The following MPO variants were observed in gnomAD, a reference collection of about 807,000 sequenced individuals.
The protein encoded by MPO is myeloperoxidase.
Under a neutral mutation model 69.4 loss-of-function variants are expected in MPO, and 57 were observed. That is an observed-to-expected ratio of 0.82 (90% CI 0.66 to 1.02). The LOEUF (loss-of-function observed/expected upper bound fraction) is 1.02. Ranked by LOEUF, MPO falls within the 50% of genes least tolerant of loss-of-function variation. The pLI, the probability that MPO is intolerant of heterozygous loss-of-function variation, is 0.00. For missense variants in MPO, 971 were observed against 1,014.1 expected, an observed-to-expected ratio of 0.96 and a Z score of 0.58; for synonymous variants, 426 against 417.1, an observed-to-expected ratio of 1.02 and a Z score of -0.26.
At chr17:58,271,137 A>C (rs1382960447) in intron 11 of MPO, among the ~76,000 whole-genome samples, 1 of 152,120 alleles carries the variant, frequency 6.6e-6, no homozygotes, top group East Asian at 1.9e-4. Context: ...CCGGGCCCAC[A>C]CACACTCCTG....
Position 58,280,463 on chromosome 17 carries a change from C to A in MPO, c.155-4G>T, listed in dbSNP as rs373287039. On this transcript the variant is annotated splice_region_variant and splice_polypyrimidine_tract_variant and intron_variant, in intron 1 of 11. Transcript: ENST00000225275. ...GTGTCCACCTCCCCCAGGACAGCTG[C>A]CCAGAGCAGGGATCACAAAGTCAGG... is the stretch of plus-strand genomic sequence containing the variant. 17 of 1,613,858 alleles carry A rather than the reference C, an allele frequency of 1.1e-5. No homozygotes were observed. The African/African-American group carries it at 1.6e-4, about 15-fold the overall frequency.
Position 58,275,625 on chromosome 17 carries a change from TG to T in MPO, c.1281del (p.Thr428GlnfsTer6), listed in dbSNP as rs762933005. 4.0e-5 allele frequency: 64 copies of T among 1,614,022 alleles called. No homozygotes were observed. Among genetic ancestry groups the T allele is most frequent in the Non-Finnish European group, 5.3e-5 (63 of 1,180,028 alleles). ...CTAGGGTTCAGGCTCTTGAGCTCTG[TG>T]GCCAGCCGGTTGTGCTCCCGAAGTA... ...TLLLREHNRL[A>X]TELKSLNPRW... On this transcript the variant is annotated frameshift_variant, in exon 8 of 12. Coordinates refer to ENST00000225275, the MANE Select transcript of MPO (RefSeq NM_000250.2). LOFTEE classifies it high-confidence loss of function. This position sits in a 1 kb window ranked among gnomAD's most constrained non-coding sequence, Gnocchi z 4.1.
chr17:58,279,625 A>G lies in MPO; in HGVS notation c.446T>C (p.Leu149Pro). The G allele has an allele frequency of 6.2e-7, 1 of 1,614,092 alleles. No homozygotes were observed. Reference protein sequence around the residue: ...NVTDVLTPAQLNVLSKSSGCA... With the variant: ...NVTDVLTPAQPNVLSKSSGCA... Reference sequence around the variant, plus strand: ...GCCGCTTGACTTGGACAACACATTCAGCTGGGCGGGCGTCAGCACATCTGC... The same window carrying G: ...GCCGCTTGACTTGGACAACACATTCGGCTGGGCGGGCGTCAGCACATCTGC... The change falls in exon 4 of 12, where the codon CTG becomes CCG. Residue 149 changes from leucine to proline, a missense_variant. Physicochemically the swap from Leu to Pro is moderately conservative, Grantham distance 98. Transcript: ENST00000225275.
chr17:58,280,695 C>A lies in MPO; in HGVS notation c.64G>T (p.Gly22Cys), dbSNP rs2143984169. Residue 22 changes from glycine to cysteine, a missense_variant, in exon 1 of 12, where the codon GGT (glycine) becomes TGT (cysteine). Gly to Cys is a radical substitution (Grantham distance 159). Transcript: ENST00000225275. Reference protein sequence around the residue: ...MVDLGPCWAGGLTAEMKLLLA... With the variant: ...MVDLGPCWAGCLTAEMKLLLA... ...AGCAGCTTCATCTCTGCAGTGAGAC[C>A]CCCAGCCCAGCAAGGTCCTAAGTCC... The A allele has an allele frequency of 6.2e-7, 1 of 1,614,206 alleles. No homozygotes were observed. Among genetic ancestry groups the A allele is most frequent in the African/African-American group, 1.3e-5 (1 of 75,056 alleles).
Position 58,275,785 on chromosome 17 carries a change from A to C in MPO, c.1205-83T>G, listed in dbSNP as rs1970429206. ...TCCACTGAAACCCCCTCCCCAGCCA[A>C]GGCCTGAAATGCCTCCTACTCACCC... On this transcript the variant is annotated intron_variant, in intron 7 of 11. Transcript: ENST00000225275. This position sits in a 1 kb window ranked among gnomAD's most constrained non-coding sequence, Gnocchi z 4.1. 1 of 1,545,866 alleles carries C rather than the reference A, an allele frequency of 6.5e-7. No individual in the cohort carries two copies. Among genetic ancestry groups the C allele is most frequent in the East Asian group, 2.3e-5 (1 of 42,624 alleles).
At chr17:58,276,855 T>C (rs1567828535) in intron 7 of MPO, among the ~76,000 whole-genome samples, 1 of 152,134 alleles carries the variant, frequency 6.6e-6, no homozygotes, top group Admixed American at 6.5e-5. Context: ...ACACCTGTAA[T>C]CCCAGCACTT....
rs906727603 is a variant in MPO at position 58,279,977 on chromosome 17, T to C, written c.286A>G (p.Met96Val). The C allele has an allele frequency of 1.2e-6, 2 of 1,613,292 alleles. No homozygotes were observed. Among genetic ancestry groups the C allele is most frequent in the Admixed American group, 1.7e-5 (1 of 59,990 alleles). ...QRLRSGSASP[M>V]ELLSYFKQPV... is the part of the protein sequence containing the mutation. ...TGCTTGAAGTAGGATAGGAGTTCCA[T>C]GGGGCTGGCTGAGCCGCTGCGAAGC... The change falls in exon 3 of 12, where the codon ATG becomes GTG. Residue 96 changes from methionine to valine, a missense_variant. Met to Val is a conservative substitution (Grantham distance 21, BLOSUM62 1). Transcript: ENST00000225275.
At chr17:58,279,264 C>T (rs1598042892) in intron 5 of MPO, 33 bp downstream of exon 5, 2 of 1,563,846 alleles carry the variant, frequency 1.3e-6, no homozygotes, top group African/African-American at 1.4e-5. Context: ...ACCGCGTGGC[C>T]GGGCCTCGCC....
intron 6 of MPO, among the ~76,000 whole-genome samples, chr17:58,278,616 T>A (rs955634644): frequency 6.6e-6 from 1 of 151,588 alleles, no homozygotes; most frequent in Non-Finnish European, 1.5e-5. Flanking sequence ...GTGATGGGGG[T>A]TGGGGCTGCC....
chr17:58,277,180 C>T (rs1970448690), intron 7 of MPO, among the ~76,000 whole-genome samples: 1 of 151,584 alleles, frequency 6.6e-6, no homozygotes, highest in African/African-American at 2.4e-5. Flanking sequence ...TCCAAAACTG[C>T]CAATTGTTTA....
intron 10 of MPO, 44 bp downstream of exon 10, chr17:58,272,704 C>CTCAGGGGAGGTGAGCA (rs1297971153): frequency 6.9e-6 from 11 of 1,602,234 alleles, no homozygotes; most frequent in Non-Finnish European, 9.4e-6. Context: ...TAGGAGGCAG[C>CTCAGGGGAGGTGAGCA]TCAGGGGAGG....
intron 11 of MPO, among the ~76,000 whole-genome samples, chr17:58,271,421 A>G (rs1970362952): frequency 6.6e-6 from 1 of 152,128 alleles, no homozygotes; most frequent in African/African-American, 2.4e-5. Context: ...TAAGGGTGGC[A>G]CTTTTCTATC....
intron 7 of MPO, among the ~76,000 whole-genome samples, chr17:58,277,426 A>G (rs1970452495): frequency 1.3e-5 from 2 of 152,268 alleles, no homozygotes; most frequent in South Asian, 4.1e-4. Flanking sequence ...AGCCACATGC[A>G]GCTAGTGGCT....
intron 9 of MPO, 134 bp downstream of exon 9, chr17:58,273,280 G>T: frequency 7.1e-7 from 1 of 1,399,632 alleles, no homozygotes; most frequent in Non-Finnish European, 1.0e-6. Flanking sequence ...AGGAACTGAG[G>T]CTAGAGAGTC....
Position 58,270,766 on chromosome 17 carries a change from T to C in MPO, c.2128A>G (p.Thr710Ala), listed in dbSNP as rs778995484. Reference protein sequence around the residue: ...PRIICDNTGITTVSKNNIFMS... With the variant: ...PRIICDNTGIATVSKNNIFMS... ...AAGATGTTGTTCTTAGACACGGTGG[T>C]GATGCCTGTGTTGTCGCAGATGATC... The change falls in exon 12 of 12, where the codon ACC becomes GCC. Residue 710 changes from threonine to alanine, a missense_variant. Thr to Ala is a moderately conservative substitution (Grantham distance 58). Coordinates refer to ENST00000225275, the MANE Select transcript of MPO (RefSeq NM_000250.2). The surrounding 1 kb of genome is among the most constrained non-coding windows in gnomAD (Gnocchi z 4.1). 1.2e-5 allele frequency: 20 copies of C among 1,614,052 alleles called. No individual in the cohort carries two copies. The Admixed American group carries it at 3.3e-4, about 27-fold the overall frequency.
At position 58,270,745 on chromosome 17, in the gene MPO, T is replaced by C. The variant is rs2759; in HGVS notation, c.2149A>G (p.Ile717Val). ...TGITTVSKNNIFMSNSYPRDF... is the reference protein window; with the variant it reads ...TGITTVSKNNVFMSNSYPRDF... ...CGGGGATATGAGTTGGACATGAAGA[T>C]GTTGTTCTTAGACACGGTGGTGATG... The change falls in exon 12 of 12, where the codon ATC becomes GTC. Residue 717 changes from isoleucine to valine, a missense_variant. Transcript: ENST00000225275. This position sits in a 1 kb window ranked among gnomAD's most constrained non-coding sequence, Gnocchi z 4.1. 39,098 of 1,614,018 alleles carry C rather than the reference T, an allele frequency of 0.024. 546 individuals are homozygous for C. The highest frequency in any genetic ancestry group is 0.057 in the Middle Eastern group (347 of 6,062).
At position 58,279,408 on chromosome 17, in the gene MPO, C is replaced by T. The variant is rs1970483916; in HGVS notation, c.567G>A (p.Gly189=). Residue 189 remains glycine, a synonymous_variant, in exon 5 of 12, where the codon GGG becomes GGA. Coordinates refer to ENST00000225275, the MANE Select transcript of MPO (RefSeq NM_000250.2). ...MCNNRRSPTL[G]ASNRAFVRWL... is the part of the protein sequence containing the mutation. ...AGCGCACAAAGGCACGGTTGGAGGC[C>T]CCCAGCGTGGGGCTGCGTCTGCAGG... 6.2e-7 allele frequency: 1 copy of T among 1,609,022 alleles called. No individual in the cohort carries two copies. Among genetic ancestry groups the T allele is most frequent in the Non-Finnish European group, 8.5e-7 (1 of 1,178,078 alleles).
At position 58,271,751 on chromosome 17, in the gene MPO, C is replaced by A; in HGVS notation, c.1934G>T (p.Gly645Val). The change falls in exon 11 of 12, where the codon GGC becomes GTC. Residue 645 changes from glycine to valine, a missense_variant. Gly to Val is a moderately radical substitution (Grantham distance 109, BLOSUM62 -3). Transcript: ENST00000225275. ...GTPNNIDIWM[G>V]GVSEPLKRKG... is the part of the protein sequence containing the mutation. ...GCGCTTCAGAGGCTCGGACACGCCGCCCATCCAGATGTCGATGTTGTTGGG... is the reference window on the plus strand; with the variant it reads ...GCGCTTCAGAGGCTCGGACACGCCGACCATCCAGATGTCGATGTTGTTGGG... The A allele has an allele frequency of 6.2e-7, 1 of 1,613,958 alleles. No homozygotes were observed. The highest frequency in any genetic ancestry group is 1.1e-5 in the South Asian group (1 of 91,086).
Position 58,275,131 on chromosome 17 carries a change from G to A in MPO, c.1365+411C>T, listed in dbSNP as rs1447521575. Among the ~76,000 whole-genome samples the A allele has an allele frequency of 6.6e-6, 1 of 152,116 alleles. No individual in the cohort carries two copies. Among genetic ancestry groups the A allele is most frequent in the Non-Finnish European group, 1.5e-5 (1 of 68,032 alleles). ...ACCCGCCTCCGCCTCCCAAAGTGCT[G>A]GGATTACAGGCATGAGCCACCGCGC... On this transcript the variant is annotated intron_variant, in intron 8 of 11. Transcript: ENST00000225275. The surrounding 1 kb of genome is among the most constrained non-coding windows in gnomAD (Gnocchi z 4.1).
Sources: allele counts gnomAD v4.1 joint callset (sites outside exome capture counted in the v4.1 genomes callset), GRCh38; gene constraint gnomAD v4.1.1; non-coding constraint Gnocchi (gnomAD v3.1); transcripts MANE v1.5; gene names NCBI Gene and HGNC (gene_info 2026-07-23, HGNC 2026-07-21).